The following PAX8 variants were observed in gnomAD, a reference collection of about 807,000 sequenced individuals.
PAX8 encodes paired box 8.
A neutral mutation model predicts 52.4 loss-of-function variants in PAX8; 15 were observed. That is an observed-to-expected ratio of 0.29 (90% CI 0.19 to 0.44). The LOEUF is 0.44. Among genes scored for constraint, PAX8 ranks in the 20% least tolerant of loss-of-function variants. The pLI is 1.00. For synonymous variants in PAX8, 284 were observed against 249.7 expected (o/e 1.14, Z -1.29); for missense variants, 554 against 602.5 (o/e 0.92, Z 0.84).
intron 10 of PAX8, 137 bp downstream of exon 10, chr2:113,227,018 G>A: frequency 1.3e-6 from 2 of 1,531,688 alleles, no homozygotes; most frequent in South Asian, 1.2e-5. Flanking sequence ...ACAAGGAGAT[G>A]CCCTCTTTGG....
At position 113,246,968 on chromosome 2, in the gene PAX8, T is replaced by C; in HGVS notation, c.26-49A>G. The C allele has an allele frequency of 1.9e-6, 3 of 1,555,268 alleles. No individual in the cohort carries two copies. The South Asian group carries it at 3.5e-5, about 18-fold the overall frequency. Reference sequence around the variant, plus strand: ...ACAGCTGTCAGGGTCAGGTAGGAGTTTGGGTGGGGATTAGCTATGAGTACA... The same window carrying C: ...ACAGCTGTCAGGGTCAGGTAGGAGTCTGGGTGGGGATTAGCTATGAGTACA... On this transcript the variant is annotated intron_variant, in intron 2 of 11. Transcript: ENST00000429538.
intron 9 of PAX8, 149 bp downstream of exon 9, chr2:113,235,245 G>GTTGGCGCCTCCGGCAA: frequency 1.5e-6 from 1 of 656,314 alleles, no homozygotes; most frequent in Admixed American, 3.0e-5. Context: ...AGAACTTCAT[G>GTTGGCGCCTCCGGCAA]TTGGCGCCTC....
intron 2 of PAX8, chr2:113,270,061 T>C (rs1693358872): frequency 1.3e-5 from 2 of 152,214 alleles, no homozygotes; most frequent in African/African-American, 4.8e-5. Flanking sequence ...GCCAGCACTT[T>C]CTATGCGTCC....
chr2:113,226,040 G>A (rs1478656045), intron 10 of PAX8: 4 of 985,628 alleles, frequency 4.1e-6, no homozygotes, highest in Non-Finnish European at 4.8e-6. Flanking sequence ...ACGGTAACCA[G>A]GCAGCAACAA....
rs1351431704 is a variant in PAX8 at position 113,235,591 on chromosome 2, G to A, written c.899-9C>T. The A allele has an allele frequency of 6.2e-7, 1 of 1,603,170 alleles. No homozygotes were observed. The highest frequency in any genetic ancestry group is 1.1e-5 in the South Asian group (1 of 90,016). ...GAAGGGTGAGTGAGGATCTGCCGGA[G>A]GGAGGGAGACAACAAGGAGAGAGGG... On this transcript the variant is annotated splice_polypyrimidine_tract_variant and intron_variant, in intron 8 of 11. Coordinates refer to ENST00000429538, the MANE Select transcript of PAX8 (RefSeq NM_003466.4).
chr2:113,219,981 C>T, intron 11 of PAX8, 111 bp downstream of exon 11: 2 of 719,660 alleles, frequency 2.8e-6, no homozygotes, highest in Non-Finnish European at 4.9e-6. Flanking sequence ...CTCCCAGGCC[C>T]TCTGTATAAT....
chr2:113,276,221 A>T (rs1409727509), intron 2 of PAX8: 1 of 152,280 alleles, frequency 6.6e-6, no homozygotes, highest in Admixed American at 6.5e-5. Context: ...TAAGCTGATC[A>T]GAAAGACAGA....
intron 10 of PAX8, chr2:113,220,476 A>G: frequency 3.4e-6 from 1 of 291,766 alleles, no homozygotes; most frequent in Admixed American, 4.5e-5. Context: ...CCCATTTTCC[A>G]GATGAAGAAA....
intron 2 of PAX8, among the ~76,000 whole-genome samples, chr2:113,251,496 G>A (rs545433081): frequency 1.3e-5 from 2 of 152,258 alleles, no homozygotes; most frequent in East Asian, 1.9e-4. Context: ...AGACAAGACC[G>A]CCTGGCCGGA....
chr2:113,237,895 A>G (rs1345705099), intron 7 of PAX8: 3 of 152,220 alleles, frequency 2.0e-5, no homozygotes, highest in African/African-American at 7.2e-5. Context: ...GGGTTCTGCA[A>G]AGATCCACAG....
intron 2 of PAX8, chr2:113,271,410 T>G (rs1366651924): frequency 6.6e-6 from 1 of 152,158 alleles, no homozygotes; most frequent in African/African-American, 2.4e-5. Context: ...GGGGGATGTG[T>G]GAAAGTAAGG....
intron 2 of PAX8, chr2:113,255,241 AGGGGAGGAGG>A (rs1692143285): frequency 7.5e-5 from 1 of 13,360 alleles, no homozygotes; most frequent in African/African-American, 2.6e-4. Flanking sequence ...GGGAGGAGGG[AGGGGAGGAGG>A]GAGGGAGGAG....
At chr2:113,239,794 G>A (rs935213488) in intron 7 of PAX8, 3 of 152,140 alleles carry the variant, frequency 2.0e-5, no homozygotes, top group Admixed American at 2.0e-4. Flanking sequence ...AGGTGACAGT[G>A]GACCAGTCTG....
At chr2:113,235,628 C>G (rs746845948) in intron 8 of PAX8, 46 bp from the exon 9 acceptor site, 4 of 1,495,302 alleles carry the variant, frequency 2.7e-6, no homozygotes, top group South Asian at 1.2e-5. Context: ...TGTGAGATGG[C>G]GGGGAGGGAA....
At chr2:113,233,020 CCCCCTCCCCTCCCCT>C (rs1223381386) in intron 9 of PAX8, among the ~76,000 whole-genome samples, 2 of 137,750 alleles carry the variant, frequency 1.5e-5, no homozygotes, top group African/African-American at 5.6e-5. Context: ...CTTCTCCTCA[CCCCCTCCCCTCCCCT>C]CCCCTCCCCT....
At chr2:113,240,151 T>G (rs1573453733) in intron 7 of PAX8, 2 of 152,488 alleles carry the variant, frequency 1.3e-5, no homozygotes, top group East Asian at 3.9e-4. Flanking sequence ...TCTCACAGAG[T>G]GAGCTTCCTG....
At chr2:113,255,209 A>G (rs563063245) in intron 2 of PAX8, among the ~76,000 whole-genome samples, 49 of 50,676 alleles carry the variant, frequency 9.7e-4, no homozygotes, top group Non-Finnish European at 1.4e-3. Flanking sequence ...GGAGAGAGGG[A>G]AGGAGGGAGG....
chr2:113,225,555 A>T (rs1689510811), intron 10 of PAX8: 1 of 152,188 alleles, frequency 6.6e-6, no homozygotes, highest in African/African-American at 2.4e-5. Flanking sequence ...TGTGGATTTC[A>T]CTTGCAGTCA....
intron 2 of PAX8, chr2:113,268,941 G>A (rs537982947): frequency 6.8e-4 from 103 of 152,324 alleles, no homozygotes; most frequent in Non-Finnish European, 1.4e-3. Flanking sequence ...TGTCTAGACA[G>A]CCCCATGGCC....
Sources: allele counts gnomAD v4.1 joint callset (sites outside exome capture counted in the v4.1 genomes callset), GRCh38; gene constraint gnomAD v4.1.1; transcripts MANE v1.5; gene names NCBI Gene and HGNC (gene_info 2026-07-23, HGNC 2026-07-21).